FRMD6: variants seen among roughly 807,000 people sequenced by gnomAD.
FRMD6 encodes the protein FERM domain containing 6, also known as FERM domain-containing protein 6.
In FRMD6, 37 loss-of-function variants were observed where a neutral mutation model predicts 73.2. The ratio of observed to expected loss-of-function variants is 0.51; its 90% CI spans 0.39 to 0.66. FRMD6 has a LOEUF of 0.66. Among genes scored for constraint, FRMD6 ranks in the 30% least tolerant of loss-of-function variants. FRMD6 has a pLI of 0.00. For missense variants in FRMD6, 714 were observed against 780.5 expected (o/e 0.91, Z 1.02); for synonymous variants, 273 against 282.2 (o/e 0.97, Z 0.33).
rs117940471 is a variant in FRMD6, at chr14:51,551,113, C to T, written c.-209-19235C>T. The stretch of plus-strand genomic sequence containing the variant: ...TCCATCCCTGACCACCCACTAGATC[C>T]TCCATTTACCCAGCACATGTTTCAA... On this transcript the variant is annotated intron_variant, in intron 1 of 14. Coordinates refer to the FRMD6 transcript ENST00000356218. 6.8e-3 allele frequency among the ~76,000 whole-genome samples: 1,038 copies of T among 152,236 alleles called. 7 individuals are homozygous for T. Among genetic ancestry groups the T allele is most frequent in the South Asian group, 0.012 (58 of 4,822 alleles).
chr14:51,548,854 C>A (rs1886621962), intron 1 of FRMD6, among the ~76,000 whole-genome samples: 2 of 152,184 alleles, frequency 1.3e-5, no homozygotes, highest in African/African-American at 4.8e-5. Context: ...GCAACGTCAG[C>A]ATCACCTGGG....
intron 2 of FRMD6, among the ~76,000 whole-genome samples, chr14:51,628,668 C>A (rs1891207239): frequency 6.6e-6 from 1 of 151,558 alleles, no homozygotes; most frequent in East Asian, 2.0e-4. Context: ...CAAAAATTAG[C>A]TGGGCATGGT....
chr14:51,507,766 G>A (rs937808739), intron 1 of FRMD6, among the ~76,000 whole-genome samples: 7 of 152,050 alleles, frequency 4.6e-5, no homozygotes, highest in African/African-American at 1.7e-4. Flanking sequence ...AGCTGAAAAG[G>A]CTTGGCTGGG....
intron 1 of FRMD6, among the ~76,000 whole-genome samples, chr14:51,494,720 A>G (rs1883198920): frequency 6.6e-6 from 1 of 152,172 alleles, no homozygotes; most frequent in Non-Finnish European, 1.5e-5. Flanking sequence ...ATGGTAGTCT[A>G]TGATAACCCT....
chr14:51,509,408 T>G (rs1884160471), intron 1 of FRMD6, among the ~76,000 whole-genome samples: 2 of 151,902 alleles, frequency 1.3e-5, no homozygotes, highest in Non-Finnish European at 2.9e-5. Context: ...ATGCCTGTAG[T>G]CCCAGCTACT....
the FRMD6 span, among the ~76,000 whole-genome samples, chr14:51,420,872 C>A: frequency 6.6e-6 from 1 of 152,172 alleles, no homozygotes; most frequent in East Asian, 1.9e-4. Context: ...CCTCCCGGTT[C>A]AAGTGATTCT....
the FRMD6 span, among the ~76,000 whole-genome samples, chr14:51,404,496 T>C: frequency 6.6e-6 from 1 of 152,218 alleles, no homozygotes; most frequent in Non-Finnish European, 1.5e-5. Flanking sequence ...GATATTCTTC[T>C]ATTTTTTTCT....
chr14:51,414,780 T>G, the FRMD6 span, among the ~76,000 whole-genome samples: 1 of 152,310 alleles, frequency 6.6e-6, no homozygotes, highest in Admixed American at 6.5e-5. Context: ...ATTCTTCCTA[T>G]CCATGAGCAT....
chr14:51,727,626 A>G (rs1898049322), intron 13 of FRMD6, 119 bp from the exon 14 acceptor site: 3 of 963,954 alleles, frequency 3.1e-6, no homozygotes, highest in Non-Finnish European at 4.6e-6. Context: ...CAGATTGGAA[A>G]CCACTTTCTA....
At chr14:51,415,891 C>T in the FRMD6 span, among the ~76,000 whole-genome samples, 2 of 151,998 alleles carry the variant, frequency 1.3e-5, no homozygotes, top group South Asian at 2.1e-4. Context: ...GGAGAGTGTA[C>T]GTGTCTAGGA....
the FRMD6 span, among the ~76,000 whole-genome samples, chr14:51,423,631 T>C: frequency 2.1e-4 from 32 of 152,336 alleles, no homozygotes; most frequent in Admixed American, 2.0e-3. Flanking sequence ...AGACAAGCTG[T>C]CCTGCTCCCA....
intron 2 of FRMD6, among the ~76,000 whole-genome samples, chr14:51,588,155 A>C (rs4898703): frequency 0.95 from 145,203 of 152,228 alleles, 69,304 homozygotes; most frequent in South Asian, 0.98. Flanking sequence ...ATGAAAACTT[A>C]CTTTTCTCCT....
rs537806288 is a variant in FRMD6 at position 51,514,322 on chromosome 14, A to T, written c.-210+24902A>T. Among the ~76,000 whole-genome samples, 182 of 152,056 alleles carry T rather than the reference A, an allele frequency of 1.2e-3. 2 individuals carry two copies. The highest frequency in any genetic ancestry group is 4.2e-3 in the African/African-American group (176 of 41,464). ...TGAAAACAAATGACACAGGGAGGGG[A>T]ACATCACACACTAGGGCCTGTTGGG... On this transcript the variant is annotated intron_variant, in intron 1 of 14. Coordinates refer to the FRMD6 transcript ENST00000356218.
At chr14:51,603,139 T>C (rs1397579981) in intron 2 of FRMD6, among the ~76,000 whole-genome samples, 1 of 152,174 alleles carries the variant, frequency 6.6e-6, no homozygotes, top group Non-Finnish European at 1.5e-5. Flanking sequence ...AGCAAGAAGC[T>C]ACCATCTACC....
At chr14:51,688,173 A>T (rs1183536001) in intron 1 of FRMD6, among the ~76,000 whole-genome samples, 3 of 152,048 alleles carry the variant, frequency 2.0e-5, no homozygotes, top group African/African-American at 7.2e-5. Flanking sequence ...GTCCTAGAAC[A>T]CATGGGTTAA....
At position 51,723,700 on chromosome 14, in the gene FRMD6, A is replaced by T. The variant is rs565393719; in HGVS notation, c.1492+1620A>T. Among the ~76,000 whole-genome samples, 20 of 151,582 alleles carry T rather than the reference A, an allele frequency of 1.3e-4. No individual in the cohort carries two copies. In the South Asian group the frequency reaches 4.2e-3, roughly 32 times the overall value. On this transcript the variant is annotated intron_variant, in intron 12 of 13. Transcript: ENST00000344768. ...TGGGGCAGGAGAATCGCTTGAACCCAGGAGGCAGAGGTTGCAGTGACCCAA... is the reference window on the plus strand; with the variant it reads ...TGGGGCAGGAGAATCGCTTGAACCCTGGAGGCAGAGGTTGCAGTGACCCAA...
rs542282922 is a variant in FRMD6, at chr14:51,664,503, G to A, written c.-147+12507G>A. ...TAACACATAGGCCTTTAATGCATAC[G>A]TATTGTTTTTGGATAGTTAGAAGCT... On this transcript the variant is annotated intron_variant, in intron 1 of 13. Transcript: ENST00000344768. Among the ~76,000 whole-genome samples the A allele has an allele frequency of 5.3e-5, 8 of 152,244 alleles. No individual in the cohort carries two copies. In the South Asian group the frequency reaches 1.2e-3, roughly 24 times the overall value.
At chr14:51,695,546 A>G (rs1895889380) in intron 2 of FRMD6, among the ~76,000 whole-genome samples, 1 of 152,180 alleles carries the variant, frequency 6.6e-6, no homozygotes, top group African/African-American at 2.4e-5. Flanking sequence ...TGAATGGCAT[A>G]TTTATAAAAT....
intron 2 of FRMD6, among the ~76,000 whole-genome samples, chr14:51,620,833 T>G (rs1006312863): frequency 2.0e-5 from 3 of 152,214 alleles, no homozygotes; most frequent in Admixed American, 2.0e-4. Context: ...CCCCAAGCCC[T>G]GCTGCAGACA....
Sources: gnomAD v4.1 joint callset for allele counts (sites outside exome capture counted in the v4.1 genomes callset) on GRCh38, gnomAD v4.1.1 for gene constraint, MANE v1.5 for transcripts, NCBI Gene and HGNC (gene_info 2026-07-23, HGNC 2026-07-21) for gene names.